The following DPY19L3 variants were observed in gnomAD, a reference collection of about 807,000 sequenced individuals.
The protein encoded by DPY19L3 is dpy-19 like C-mannosyltransferase 3.
Under a neutral mutation model 92.3 loss-of-function variants are expected in DPY19L3, and 51 were observed. The observed-to-expected ratio is 0.55, with a 90% CI of 0.44 to 0.70. DPY19L3 has a LOEUF of 0.70. DPY19L3 is among the 30% of genes least tolerant of loss of function. DPY19L3 has a pLI of 0.00. For missense variants in DPY19L3, 706 were observed against 855.9 expected (o/e 0.82, Z 2.18); for synonymous variants, 309 against 315.2 (o/e 0.98, Z 0.21).
At chr19:32,464,564 C>T (rs925197007) in intron 14 of DPY19L3, among the ~76,000 whole-genome samples, 164 bp from the exon 15 acceptor site, 3 of 152,102 alleles carry the variant, frequency 2.0e-5, no homozygotes, top group African/African-American at 7.2e-5. Flanking sequence ...AAGCCGGGCA[C>T]AGTGGCTCAC....
chr19:32,441,736 G>T (rs920843446), intron 8 of DPY19L3, among the ~76,000 whole-genome samples: 4 of 152,092 alleles, frequency 2.6e-5, no homozygotes, highest in African/African-American at 7.2e-5. Context: ...GACCTCAAGG[G>T]ATCCACCTGC....
chr19:32,415,496 T>C (rs930842507), intron 3 of DPY19L3, among the ~76,000 whole-genome samples: 2 of 152,198 alleles, frequency 1.3e-5, no homozygotes, highest in Non-Finnish European at 2.9e-5. Flanking sequence ...AGAGGCCAGA[T>C]AATAAAGGGT....
chr19:32,432,891 T>A, intron 4 of DPY19L3, 85 bp downstream of exon 4: 1 of 1,058,102 alleles, frequency 9.5e-7, no homozygotes, highest in Non-Finnish European at 1.4e-6. Context: ...AAAAACCACT[T>A]AAATGCTCTC....
Position 32,477,504 on chromosome 19 carries a change from G to C in DPY19L3, c.1698-18G>C. On this transcript the variant is annotated intron_variant, in intron 16 of 18. Transcript: ENST00000392250. The stretch of plus-strand genomic sequence containing the variant: ...ATCTCTTAACAGTGGGGTTAATTCA[G>C]ACTCTAAAATCTTTCAGCTCTAACA... The C allele has an allele frequency of 6.2e-7, 1 of 1,613,932 alleles. No homozygotes were observed. Among genetic ancestry groups the C allele is most frequent in the Non-Finnish European group, 8.5e-7 (1 of 1,179,964 alleles).
chr19:32,432,409 AT>A (rs200114992), intron 3 of DPY19L3, among the ~76,000 whole-genome samples: 18 of 150,496 alleles, frequency 1.2e-4, no homozygotes, highest in East Asian at 1.2e-3. Flanking sequence ...ATTTCTTTTC[AT>A]TTTTTTTTGT....
At chr19:32,445,680 G>C (rs1969475209) in intron 8 of DPY19L3, among the ~76,000 whole-genome samples, 2 of 152,082 alleles carry the variant, frequency 1.3e-5, no homozygotes, top group Non-Finnish European at 2.9e-5. Context: ...AAATATAACA[G>C]ACTTTTCTTA....
chr19:32,455,649 G>A (rs2145570077), intron 10 of DPY19L3, among the ~76,000 whole-genome samples: 1 of 152,202 alleles, frequency 6.6e-6, no homozygotes, highest in Admixed American at 6.5e-5. Flanking sequence ...GAAGAGTTGA[G>A]CTCATTTTTC....
At chr19:32,426,954 T>C (rs1968784914) in intron 3 of DPY19L3, among the ~76,000 whole-genome samples, 1 of 152,194 alleles carries the variant, frequency 6.6e-6, no homozygotes, top group Non-Finnish European at 1.5e-5. Context: ...TGAAGTCGTT[T>C]CCCTTTGTTT....
chr19:32,422,660 ACG>A (rs1491414039), intron 3 of DPY19L3, among the ~76,000 whole-genome samples: 1 of 151,160 alleles, frequency 6.6e-6, no homozygotes, highest in Non-Finnish European at 1.5e-5. Context: ...ACACACACAC[ACG>A]TTTAAAGATG....
At chr19:32,420,836 A>G (rs755003289) in intron 3 of DPY19L3, among the ~76,000 whole-genome samples, 1 of 152,202 alleles carries the variant, frequency 6.6e-6, no homozygotes, top group African/African-American at 2.4e-5. Context: ...TATTGAAACT[A>G]TGTTGTAACA....
intron 10 of DPY19L3, among the ~76,000 whole-genome samples, chr19:32,456,903 G>C (rs1240511190): frequency 6.6e-6 from 1 of 152,168 alleles, no homozygotes; most frequent in Non-Finnish European, 1.5e-5. Context: ...GCTTATGCCT[G>C]TAATCGCAGC....
intron 16 of DPY19L3, among the ~76,000 whole-genome samples, chr19:32,476,268 G>T (rs1410025882): frequency 6.6e-6 from 1 of 152,082 alleles, no homozygotes; most frequent in African/African-American, 2.4e-5. Flanking sequence ...AAACCATGGA[G>T]AACAGCCTGC....
At chr19:32,445,168 G>A (rs1290012291) in intron 8 of DPY19L3, among the ~76,000 whole-genome samples, 1 of 150,234 alleles carries the variant, frequency 6.7e-6, no homozygotes, top group East Asian at 2.0e-4. Flanking sequence ...AAGGCTGGGT[G>A]CAGTGGCTCA....
chr19:32,445,452 A>AAAAAAAAAAAAAAAAAC (rs1969465346), intron 8 of DPY19L3, among the ~76,000 whole-genome samples: 1 of 149,094 alleles, frequency 6.7e-6, no homozygotes, highest in Admixed American at 6.7e-5. Context: ...AAAAAAAAAA[A>AAAAAAAAAAAAAAAAAC]AAAAAAAAAC....
chr19:32,418,627 T>C (rs1904705161), intron 3 of DPY19L3, among the ~76,000 whole-genome samples: 1 of 152,240 alleles, frequency 6.6e-6, no homozygotes, highest in Non-Finnish European at 1.5e-5. Context: ...TATTCCTTTA[T>C]AAATCTCCTG....
At chr19:32,438,775 G>T (rs147151116) in intron 6 of DPY19L3, among the ~76,000 whole-genome samples, 330 of 152,288 alleles carry the variant, frequency 2.2e-3, no homozygotes, top group African/African-American at 7.6e-3. Context: ...GGGAAAATGT[G>T]TATTGCCTCT....
At chr19:32,440,044 G>A in intron 8 of DPY19L3, 134 bp downstream of exon 8, 1 of 1,172,628 alleles carries the variant, frequency 8.5e-7, no homozygotes, top group South Asian at 1.5e-5. Context: ...AATTTGCTGT[G>A]GCCAATTGAA....
chr19:32,464,904 C>A, intron 15 of DPY19L3, 120 bp downstream of exon 15: 1 of 463,524 alleles, frequency 2.2e-6, no homozygotes, highest in Non-Finnish European at 3.7e-6. Context: ...TAAATACCTC[C>A]TTAGCTTCTT....
At chr19:32,471,680 T>C (rs1380948994) in intron 16 of DPY19L3, among the ~76,000 whole-genome samples, 2 of 152,160 alleles carry the variant, frequency 1.3e-5, no homozygotes, top group Non-Finnish European at 2.9e-5. Flanking sequence ...CGCTTGGAGA[T>C]TCAGGCTTTC....
Sources: gnomAD v4.1 joint callset for allele counts (sites outside exome capture counted in the v4.1 genomes callset) on GRCh38, gnomAD v4.1.1 for gene constraint, MANE v1.5 for transcripts, NCBI Gene and HGNC (gene_info 2026-07-23, HGNC 2026-07-21) for gene names.